BCAS3: variants seen among roughly 807,000 people sequenced by gnomAD.
BCAS3 encodes the protein BCAS4/BCAS3 fusion.
BCAS3 carries 53 observed loss-of-function variants against 116.1 expected under a neutral mutation model. The observed-to-expected ratio is 0.46, with a 90% CI of 0.37 to 0.57. BCAS3 has a LOEUF of 0.57. Ranked by LOEUF, BCAS3 falls within the 20% of genes least tolerant of loss-of-function variation. The pLI is 0.00. For missense variants in BCAS3, 917 were observed against 1,165.4 expected (o/e 0.79, Z 3.10); for synonymous variants, 391 against 408.2 (o/e 0.96, Z 0.51).
In BCAS3 at chr17:61,227,886, T is replaced by C. The variant is rs2082451322; in HGVS notation, c.2426-140441T>C. 6.6e-6 allele frequency among the ~76,000 whole-genome samples: 1 copy of C among 152,164 alleles called. No homozygotes were observed. The highest frequency in any genetic ancestry group is 6.5e-5 in the Admixed American group (1 of 15,272). On this transcript the variant is annotated intron_variant, in intron 22 of 23. Transcript: ENST00000407086. This position sits in a 1 kb window ranked among gnomAD's most constrained non-coding sequence, Gnocchi z 6.1. ...ATCTGAGCCTCTCTAAAGGGAAGAA[T>C]AGGTGATGCAGTGGGGTTGGCAGCA...
chr17:61,136,433 G>T lies in BCAS3; in HGVS notation c.2425+51869G>T, dbSNP rs907504451. On this transcript the variant is annotated intron_variant, in intron 22 of 23. Coordinates refer to ENST00000407086, the MANE Select transcript of BCAS3 (RefSeq NM_017679.5). The surrounding 1 kb of genome is among the most constrained non-coding windows in gnomAD (Gnocchi z 4.4). ...TTTTGGACTGGACAATTCTTTGTGT[G>T]CAGCTGTTTTATGCATCATATAGGA... 6.6e-6 allele frequency among the ~76,000 whole-genome samples: 1 copy of T among 152,174 alleles called. No homozygotes were observed. The highest frequency in any genetic ancestry group is 1.5e-5 in the Non-Finnish European group (1 of 68,028).
intron 22 of BCAS3, among the ~76,000 whole-genome samples, chr17:61,299,919 G>T (rs999152856): frequency 6.6e-6 from 1 of 152,154 alleles, no homozygotes; most frequent in Non-Finnish European, 1.5e-5. Flanking sequence ...GTGTATGCAC[G>T]TGCATGAAAA....
At chr17:60,711,020 C>T (rs1462654657) in intron 5 of BCAS3, among the ~76,000 whole-genome samples, 5 of 151,738 alleles carry the variant, frequency 3.3e-5, no homozygotes, top group Non-Finnish European at 7.4e-5. Context: ...CCAGGCTGGT[C>T]TCGAACTCCT....
At chr17:60,983,947 C>T (rs1600218234) in intron 14 of BCAS3, among the ~76,000 whole-genome samples, 2 of 152,164 alleles carry the variant, frequency 1.3e-5, no homozygotes, top group African/African-American at 2.4e-5. Context: ...CTACGACTTT[C>T]ATCCTTTCTT....
Position 61,068,182 on chromosome 17 carries a change from C to T in BCAS3, c.2030-6738C>T, listed in dbSNP as rs2070926307. Among the ~76,000 whole-genome samples the T allele has an allele frequency of 6.6e-6, 1 of 152,068 alleles. No individual in the cohort carries two copies. Among genetic ancestry groups the T allele is most frequent in the South Asian group, 2.1e-4 (1 of 4,816 alleles). ...AGGGTAGCTATTTTGTATCTTGGTC[C>T]ATTGAACTTGGATTTGCAAGATATG... is the stretch of plus-strand genomic sequence containing the variant. On this transcript the variant is annotated intron_variant, in intron 19 of 23. Transcript: ENST00000407086. The surrounding 1 kb of genome is among the most constrained non-coding windows in gnomAD (Gnocchi z 4.3).
chr17:60,831,601 G>A (rs1010608561), intron 7 of BCAS3, among the ~76,000 whole-genome samples: 1 of 152,080 alleles, frequency 6.6e-6, no homozygotes, highest in Non-Finnish European at 1.5e-5. Flanking sequence ...AGTATACAAC[G>A]AAGGTTAAAA....
Position 60,994,126 on chromosome 17 carries a change from A to G in BCAS3, c.1486+3891A>G, listed in dbSNP as rs533503652. On this transcript the variant is annotated intron_variant, in intron 15 of 23. Coordinates refer to ENST00000407086, the MANE Select transcript of BCAS3 (RefSeq NM_017679.5). The surrounding 1 kb of genome is among the most constrained non-coding windows in gnomAD (Gnocchi z 4.4). Reference sequence around the variant, plus strand: ...CAAAAACATTAACAGTGCTTGTGACACTGTTACCAATAGAAAATGCAGAAT... The same window carrying G: ...CAAAAACATTAACAGTGCTTGTGACGCTGTTACCAATAGAAAATGCAGAAT... Among the ~76,000 whole-genome samples, 7 of 152,176 alleles carry G rather than the reference A, an allele frequency of 4.6e-5. No homozygotes were observed. The East Asian group carries it at 1.3e-3, about 29-fold the overall frequency.
intron 22 of BCAS3, among the ~76,000 whole-genome samples, chr17:61,335,411 G>A (rs1439962997): frequency 2.6e-5 from 4 of 152,236 alleles, no homozygotes; most frequent in Non-Finnish European, 4.4e-5. Context: ...CAAAGGGTCT[G>A]GGCCTTTTTT....
chr17:61,123,190 A>C (rs1196626287), intron 22 of BCAS3, among the ~76,000 whole-genome samples: 2 of 151,910 alleles, frequency 1.3e-5, no homozygotes, highest in Non-Finnish European at 2.9e-5. Context: ...TGACCCACCC[A>C]CCTTGGCCTC....
rs905332605 is a variant in BCAS3 at position 61,105,420 on chromosome 17, A to T, written c.2425+20856A>T. 2.0e-5 allele frequency among the ~76,000 whole-genome samples: 3 copies of T among 152,122 alleles called. No homozygotes were observed. The highest frequency in any genetic ancestry group is 4.4e-5 in the Non-Finnish European group (3 of 67,998). ...TATGCTGACACTAGAGGAAAAACCCACAGAATTTTTTTTATTTTTTTGAGA... is the reference window on the plus strand; with the variant it reads ...TATGCTGACACTAGAGGAAAAACCCTCAGAATTTTTTTTATTTTTTTGAGA... On this transcript the variant is annotated intron_variant, in intron 22 of 23. Coordinates refer to ENST00000407086, the MANE Select transcript of BCAS3 (RefSeq NM_017679.5). The surrounding 1 kb of genome is among the most constrained non-coding windows in gnomAD (Gnocchi z 4.3).
At position 61,375,218 on chromosome 17, in the gene BCAS3, T is replaced by G. The variant is rs796231487; in HGVS notation, c.2593+6724T>G. On this transcript the variant is annotated intron_variant, in intron 23 of 23. Coordinates refer to ENST00000407086, the MANE Select transcript of BCAS3 (RefSeq NM_017679.5). The stretch of plus-strand genomic sequence containing the variant: ...GCAAAAGATGACCTAAAAGCACTAT[T>G]TGTGTGTGTGTGTGTGTGTGTGTGT... Among the ~76,000 whole-genome samples, 115 of 142,772 alleles carry G rather than the reference T, an allele frequency of 8.1e-4. 1 individual carries two copies. Among genetic ancestry groups the G allele is most frequent in the African/African-American group, 2.8e-3 (105 of 37,064 alleles). 93.7% of individuals were successfully genotyped at this position (142,772 alleles called of 152,430 possible).
chr17:60,741,267 G>A (rs1001538298), intron 5 of BCAS3, among the ~76,000 whole-genome samples: 2 of 152,178 alleles, frequency 1.3e-5, no homozygotes, highest in Non-Finnish European at 1.5e-5. Context: ...TCTAAGTGAA[G>A]TCTTCTGAGC....
rs749114821 is a variant in BCAS3 at position 61,380,093 on chromosome 17, C to T, written c.2593+11599C>T. 4 of 190,938 alleles carry T rather than the reference C, an allele frequency of 2.1e-5. No individual in the cohort carries two copies. The highest frequency in any genetic ancestry group is 4.4e-5 in the Non-Finnish European group (4 of 91,476). The allele number at this position is 190,938 out of a possible 1,614,324, so 11.8% of individuals were successfully genotyped here. A position where few individuals can be genotyped will look rare whatever the true frequency, so the allele number is the denominator to read the frequency against. ...AGTGCCCTTGAGCTGGTCTTTGTGA[C>T]CTTTCTCTAAGCAGCCCAACCACAC... On this transcript the variant is annotated intron_variant, in intron 23 of 23. Coordinates refer to ENST00000407086, the MANE Select transcript of BCAS3 (RefSeq NM_017679.5). This position sits in a 1 kb window ranked among gnomAD's most constrained non-coding sequence, Gnocchi z 4.2.
rs2072694122 is a variant in BCAS3, at chr17:61,082,335, C to T, written c.2328-2132C>T. On this transcript the variant is annotated intron_variant, in intron 21 of 23. Transcript: ENST00000407086. The surrounding 1 kb of genome is among the most constrained non-coding windows in gnomAD (Gnocchi z 5.1). ...GGCATCCATCCCACTAATTTCAGAA[C>T]GTTTCCATCATCCCAACCAGTTTTT... Among the ~76,000 whole-genome samples the T allele has an allele frequency of 6.6e-6, 1 of 152,080 alleles. No homozygotes were observed. The highest frequency in any genetic ancestry group is 2.4e-5 in the African/African-American group (1 of 41,396).
In BCAS3 at chr17:61,130,127, T is replaced by C. The variant is rs1423499773; in HGVS notation, c.2425+45563T>C. Among the ~76,000 whole-genome samples the C allele has an allele frequency of 1.3e-5, 2 of 152,228 alleles. No individual in the cohort carries two copies. The highest frequency in any genetic ancestry group is 1.3e-4 in the Admixed American group (2 of 15,282). On this transcript the variant is annotated intron_variant, in intron 22 of 23. Coordinates refer to ENST00000407086, the MANE Select transcript of BCAS3 (RefSeq NM_017679.5). The surrounding 1 kb of genome is among the most constrained non-coding windows in gnomAD (Gnocchi z 5.0). ...TCTAATGACATCTGTCCAGTTGTTG[T>C]AATCACATATTTGGTGGACAGCTAA...
At chr17:60,806,718 A>C (rs1194550380) in intron 6 of BCAS3, among the ~76,000 whole-genome samples, 1 of 151,834 alleles carries the variant, frequency 6.6e-6, no homozygotes, top group Non-Finnish European at 1.5e-5. Context: ...ATACCCAACT[A>C]ATTTTTTGTT....
chr17:60,980,440 T>C (rs886079290), intron 14 of BCAS3: 4 of 152,140 alleles, frequency 2.6e-5, no homozygotes, highest in South Asian at 2.1e-4. Flanking sequence ...TTTGGAGAAA[T>C]ATTTGTCCCA....
intron 22 of BCAS3, among the ~76,000 whole-genome samples, chr17:61,114,770 C>T (rs1332248896): frequency 6.7e-6 from 1 of 149,740 alleles, no homozygotes; most frequent in Non-Finnish European, 1.5e-5. Flanking sequence ...AAAAAAGAGC[C>T]CGCATCGCCA....
rs1601954400 is a variant in BCAS3 at position 61,215,859 on chromosome 17, C to G, written c.2425+131295C>G. ...AGCTTAGGCATCAGTATTTTTCAGA[C>G]TCCCTGAGTAATTCTAGTGTACAGC... On this transcript the variant is annotated intron_variant, in intron 22 of 23. Coordinates refer to ENST00000407086, the MANE Select transcript of BCAS3 (RefSeq NM_017679.5). This position sits in a 1 kb window ranked among gnomAD's most constrained non-coding sequence, Gnocchi z 4.8. Among the ~76,000 whole-genome samples, 1 of 152,264 alleles carries G rather than the reference C, an allele frequency of 6.6e-6. No homozygotes were observed. Among genetic ancestry groups the G allele is most frequent in the East Asian group, 1.9e-4 (1 of 5,192 alleles).
Sources: allele counts gnomAD v4.1 joint callset (sites outside exome capture counted in the v4.1 genomes callset), GRCh38; gene constraint gnomAD v4.1.1; non-coding constraint Gnocchi (gnomAD v3.1); transcripts MANE v1.5; gene names NCBI Gene and HGNC (gene_info 2026-07-23, HGNC 2026-07-21).